Variants in METTL21C observed in about 807,000 individuals in gnomAD.
METTL21C encodes methyltransferase 21C, AARS1 lysine, also known as protein-lysine methyltransferase METTL21C.
A neutral mutation model predicts 25.9 loss-of-function variants in METTL21C; 21 were observed. The ratio of observed to expected loss-of-function variants is 0.81; its 90% CI spans 0.58 to 1.17. The LOEUF (loss-of-function observed/expected upper bound fraction) is 1.17. Among genes scored for constraint, METTL21C ranks in the 50% most tolerant of loss-of-function variants. METTL21C has a pLI of 0.00. For synonymous variants in METTL21C, 125 were observed against 124.7 expected (o/e 1.00, Z -0.01); for missense variants, 312 against 315.1 (o/e 0.99, Z 0.07).
chr13:102,694,274 G>C (rs1885895160), intron 1 of METTL21C, 95 bp downstream of exon 1: 1 of 1,400,716 alleles, frequency 7.1e-7, no homozygotes, highest in Non-Finnish European at 9.8e-7. Context: ...ATGTTAAAAG[G>C]AAATGGAAAT....
At chr13:102,686,488 G>C in intron 3 of METTL21C, 63 bp from the exon 4 acceptor site, 1 of 1,516,354 alleles carries the variant, frequency 6.6e-7, no homozygotes. Context: ...CATATACCCA[G>C]GGAGAAACAC....
At position 102,686,943 on chromosome 13, in the gene METTL21C, A is replaced by C. The variant is rs769521394; in HGVS notation, c.397T>G (p.Leu133Val). The C allele has an allele frequency of 6.2e-7, 1 of 1,612,888 alleles. No individual in the cohort carries two copies. Among genetic ancestry groups the C allele is most frequent in the East Asian group, 2.2e-5 (1 of 44,868 alleles). The change falls in exon 3 of 4, where the codon TTA (leucine) becomes GTA (valine). Residue 133 changes from leucine (L) to valine (V), a missense_variant. Transcript: ENST00000267273. ...PGLVSIVASI[L>V]GAQVTATDLP... ...GGTCAGGAATAAACAAACAAACCTA[A>C]AATACTGGCCACAATGGAAACAAGG... is the stretch of plus-strand genomic sequence containing the variant.
At chr13:102,687,200 C>T (rs988213863) in intron 2 of METTL21C, 143 bp from the exon 3 acceptor site, 1 of 638,922 alleles carries the variant, frequency 1.6e-6, no homozygotes, top group African/African-American at 1.8e-5. Flanking sequence ...AATGTACACT[C>T]AATGCCATAT....
At chr13:102,698,555 C>G (rs1478909862), upstream of METTL21C, among the ~76,000 whole-genome samples, 1 of 152,148 alleles carries the variant, frequency 6.6e-6, no homozygotes, top group African/African-American at 2.4e-5. Context: ...ATCAGCAGGT[C>G]TGAAGGACCC....
chr13:102,696,388 A>C (rs892395652), upstream of METTL21C, among the ~76,000 whole-genome samples: 1 of 152,006 alleles, frequency 6.6e-6, no homozygotes, highest in Non-Finnish European at 1.5e-5. Context: ...TAGGGGACGG[A>C]GAGCATTAGG....
chr13:102,696,297 A>G (rs1885946251), upstream of METTL21C, among the ~76,000 whole-genome samples: 1 of 152,072 alleles, frequency 6.6e-6, no homozygotes, highest in Non-Finnish European at 1.5e-5. Flanking sequence ...TCTCACTCAT[A>G]AGTGGGAGTC....
chr13:102,700,884 C>T, the METTL21C span, among the ~76,000 whole-genome samples: 5,901 of 151,994 alleles, frequency 0.039, 282 homozygotes, highest in African/African-American at 0.12. Flanking sequence ...GAGCAGATGC[C>T]TCCAACGCTG....
chr13:102,702,054 C>T, the METTL21C span, among the ~76,000 whole-genome samples: 2 of 151,900 alleles, frequency 1.3e-5, no homozygotes, highest in Non-Finnish European at 2.9e-5. Flanking sequence ...GTCCCAGCTC[C>T]TCTGGAGGCT....
rs771349114 is a variant in METTL21C, at chr13:102,686,062, TTGAC to T, written c.760_763del (p.Val254AsnfsTer7). ...CCATTTTAGTATCCCCTTAAAAAGT[TTGAC>T]TGATGACTCTGGATATTCAGCCAAC... On this transcript the variant is annotated frameshift_variant, in exon 4 of 4. Transcript: ENST00000267273. LOFTEE classifies it high-confidence loss of function. 30 of 1,594,456 alleles carry T rather than the reference TTGAC, an allele frequency of 1.9e-5. No individual in the cohort carries two copies. In the African/African-American group the frequency reaches 2.3e-4, roughly 12 times the overall value.
chr13:102,690,371 A>G (rs2138883263), intron 2 of METTL21C, among the ~76,000 whole-genome samples: 1 of 151,848 alleles, frequency 6.6e-6, no homozygotes, highest in Non-Finnish European at 1.5e-5. Context: ...CAGTGAGCCA[A>G]GATCGTGTCA....
chr13:102,690,142 C>T (rs9514040), intron 2 of METTL21C, among the ~76,000 whole-genome samples: 60,435 of 151,952 alleles, frequency 0.4, 12,290 homozygotes, highest in Admixed American at 0.47. Context: ...GCTGGCCGGC[C>T]GGGCGTGGTG....
rs972430411 is a variant in METTL21C, at chr13:102,690,054, T to C, written c.282+759A>G. On this transcript the variant is annotated intron_variant, in intron 2 of 3. Transcript: ENST00000267273. Reference sequence around the variant, plus strand: ...TTTCAGCGCCATCCTCTCAGGGCTGTGGCAGGGGTGACATGCCACAAAGTC... The same window carrying C: ...TTTCAGCGCCATCCTCTCAGGGCTGCGGCAGGGGTGACATGCCACAAAGTC... Among the ~76,000 whole-genome samples the C allele has an allele frequency of 2.0e-5, 3 of 152,276 alleles. 1 individual carries two copies. The highest frequency in any genetic ancestry group is 2.0e-4 in the Admixed American group (3 of 15,302).
At chr13:102,694,321 A>G (rs748457792) in intron 1 of METTL21C, 48 bp downstream of exon 1, 156 of 1,573,122 alleles carry the variant, frequency 9.9e-5, no homozygotes, top group Non-Finnish European at 1.3e-4. Context: ...TGTCATCGCC[A>G]GGAAAACAAC....
intron 2 of METTL21C, among the ~76,000 whole-genome samples, 180 bp downstream of exon 2, chr13:102,690,633 A>C (rs1463549978): frequency 1.3e-5 from 2 of 151,994 alleles, no homozygotes; most frequent in African/African-American, 2.4e-5. Flanking sequence ...GTGTTTCTGA[A>C]AGAAACACTG....
Position 102,686,248 on chromosome 13 carries a change from G to C in METTL21C, c.578C>G (p.Ser193Ter), listed in dbSNP as rs1250851582. ...SAFYYDYVLA[S>*]DVVYHHYFLD... ...GAAGTAGTGATGGTAGACCACATCT[G>C]AGGCTAGGACGTAATCATAGTAAAA... Residue 193 changes from serine to a stop codon, truncating the protein, a stop_gained, in exon 4 of 4, where the codon TCA (serine) becomes TGA (stop). Transcript: ENST00000267273. LOFTEE classifies it high-confidence loss of function. 9 of 1,614,078 alleles carry C rather than the reference G, an allele frequency of 5.6e-6. No homozygotes were observed. Among genetic ancestry groups the C allele is most frequent in the Non-Finnish European group, 5.9e-6 (7 of 1,180,026 alleles).
rs614335 is a variant in METTL21C at position 102,694,902 on chromosome 13, A to T, written c.-404T>A. On this transcript the variant is annotated 5_prime_UTR_variant, in exon 1 of 4. The change abolishes the stop of an existing upstream ORF in the 5' untranslated region. Coordinates refer to ENST00000267273, the MANE Select transcript of METTL21C (RefSeq NM_001010977.3). ...CTCTCTCTCTCTCTCTCTCTCTCTC[A>T]CACACACACACACACACACACACAC... Among the ~76,000 whole-genome samples the T allele has an allele frequency of 0.33, 28,985 of 87,684 alleles. 2,659 individuals carry two copies. Among genetic ancestry groups the T allele is most frequent in the Middle Eastern group, 0.42 (88 of 208 alleles). The allele number at this position is 87,684 out of a possible 152,430, so 57.5% of individuals were successfully genotyped here.
intron 2 of METTL21C, among the ~76,000 whole-genome samples, chr13:102,690,503 C>G (rs1595244255): frequency 6.6e-6 from 1 of 151,784 alleles, no homozygotes. Flanking sequence ...AAAATCTAAA[C>G]TCTAAATCCC....
intron 2 of METTL21C, among the ~76,000 whole-genome samples, chr13:102,689,630 T>C (rs1223227775): frequency 6.6e-6 from 1 of 152,212 alleles, no homozygotes; most frequent in Non-Finnish European, 1.5e-5. Context: ...GAACTTCTGA[T>C]CTGGAGCCTT....
chr13:102,702,440 C>T, the METTL21C span, among the ~76,000 whole-genome samples: 39 of 152,154 alleles, frequency 2.6e-4, 1 homozygote, highest in Admixed American at 2.2e-3. Flanking sequence ...GAAATAAGAG[C>T]TGTAACAATT....
Sources: gnomAD v4.1 joint callset for allele counts (sites outside exome capture counted in the v4.1 genomes callset) on GRCh38, gnomAD v4.1.1 for gene constraint, MANE v1.5 for transcripts, NCBI Gene and HGNC (gene_info 2026-07-23, HGNC 2026-07-21) for gene names.